PRPS2: variants seen among roughly 807,000 people sequenced by gnomAD.
The protein encoded by PRPS2 is phosphoribosyl pyrophosphate synthetase 2.
For missense variants in PRPS2, 104 were observed against 271.5 expected (o/e 0.38, Z 4.34); for synonymous variants, 111 against 115.3 (o/e 0.96, Z 0.24).
chrX:12,797,281 C>T (rs1357711126), intron 1 of PRPS2, among the ~76,000 whole-genome samples: 2 of 110,079 alleles, frequency 1.8e-5, no homozygotes, highest in African/African-American at 3.3e-5. Context: ...TCACTTGAAC[C>T]TGGGTGGCAG....
At chrX:12,806,957 G>A (rs1470338227) in intron 2 of PRPS2, among the ~76,000 whole-genome samples, 2 of 111,093 alleles carry the variant, frequency 1.8e-5, no homozygotes, top group Admixed American at 9.5e-5. Context: ...TTGTGGTGGC[G>A]CATGCCTGTA....
intron 2 of PRPS2, among the ~76,000 whole-genome samples, chrX:12,808,712 C>G (rs1173613828): frequency 8.9e-6 from 1 of 112,204 alleles, no homozygotes; most frequent in East Asian, 2.8e-4. Context: ...TCTTTAATAG[C>G]TGGACTTCTT....
At chrX:12,809,462 ATATAATTTGATATTAGTACTTCCAGTCTC>A in intron 3 of PRPS2, 130 bp downstream of exon 3, 3 of 639,556 alleles carry the variant, frequency 4.7e-6, no homozygotes, top group Non-Finnish European at 7.1e-6. Context: ...AAACTTGAAA[ATATAATTTGATATTAGTACTTCCAGTCTC>A]TATCACCACC....
chrX:12,814,569 T>C (rs181581784), intron 4 of PRPS2, among the ~76,000 whole-genome samples: 43 of 112,412 alleles, frequency 3.8e-4, no homozygotes, highest in African/African-American at 1.2e-3. Flanking sequence ...TTGGAGCTTG[T>C]TGCTTTAGAA....
At chrX:12,812,321 A>G (rs2042627804) in intron 4 of PRPS2, among the ~76,000 whole-genome samples, 1 of 112,082 alleles carries the variant, frequency 8.9e-6, no homozygotes, top group Admixed American at 9.5e-5. Flanking sequence ...GCTTTGTTAC[A>G]ATGTAATTCA....
chrX:12,805,851 T>A lies in PRPS2; in HGVS notation c.307-3383T>A, dbSNP rs751154332. ...ACTTTGGGAGGCCAAGGCGGGCGGA[T>A]CACCTGAGGTCAGGAGTTCGAGAAG... On this transcript the variant is annotated intron_variant, in intron 2 of 6. Coordinates refer to ENST00000380668, the MANE Select transcript of PRPS2 (RefSeq NM_002765.5). Among the ~76,000 whole-genome samples, 252 of 111,935 alleles carry A rather than the reference T, an allele frequency of 2.3e-3. 1 individual carries two copies. The highest frequency in any genetic ancestry group is 3.9e-3 in the Non-Finnish European group (210 of 53,172).
intron 4 of PRPS2, 104 bp downstream of exon 4, chrX:12,810,250 A>G (rs748487622): frequency 4.7e-6 from 5 of 1,063,171 alleles, no homozygotes. Flanking sequence ...TTAAAGCTTT[A>G]TTTTGCTAAT....
At chrX:12,817,575 C>G (rs766633332) in intron 4 of PRPS2, among the ~76,000 whole-genome samples, 1 of 108,426 alleles carries the variant, frequency 9.2e-6, no homozygotes, top group African/African-American at 3.4e-5. Flanking sequence ...GACTTGAAGA[C>G]AGGGACTCAA....
intron 2 of PRPS2, among the ~76,000 whole-genome samples, chrX:12,808,605 C>T (rs1405822437): frequency 1.8e-5 from 2 of 111,987 alleles, no homozygotes; most frequent in Non-Finnish European, 3.8e-5. Flanking sequence ...TTATCAATCC[C>T]CTTACAGTAT....
intron 4 of PRPS2, among the ~76,000 whole-genome samples, chrX:12,814,320 A>C (rs2042637776): frequency 8.9e-6 from 1 of 111,925 alleles, no homozygotes; most frequent in Middle Eastern, 4.7e-3. Context: ...CTCTGCCAGG[A>C]AAATCAAGCT....
At chrX:12,807,190 G>A (rs928748026) in intron 2 of PRPS2, among the ~76,000 whole-genome samples, 1 of 112,507 alleles carries the variant, frequency 8.9e-6, no homozygotes, top group Non-Finnish European at 1.9e-5. Flanking sequence ...TACGGGCTGC[G>A]TCCTCCAGAG....
At chrX:12,803,445 G>C (rs751111929) in intron 2 of PRPS2, among the ~76,000 whole-genome samples, 2 of 112,189 alleles carry the variant, frequency 1.8e-5, no homozygotes, top group Non-Finnish European at 3.8e-5. Context: ...ACACCACCAC[G>C]CCTGGCTAAT....
At chrX:12,792,822 A>T (rs1406348480) in intron 1 of PRPS2, among the ~76,000 whole-genome samples, 1 of 112,074 alleles carries the variant, frequency 8.9e-6, no homozygotes, top group Non-Finnish European at 1.9e-5. Flanking sequence ...GAAAATCTTG[A>T]CTTGGGGTTA....
chrX:12,813,983 AT>A (rs1160707703), intron 4 of PRPS2, among the ~76,000 whole-genome samples: 1 of 105,224 alleles, frequency 9.5e-6, no homozygotes, highest in East Asian at 3.0e-4. Flanking sequence ...GATTCTGTAT[AT>A]TTTTTTCTTT....
chrX:12,820,942 G>T, intron 6 of PRPS2, 139 bp downstream of exon 6: 1 of 645,421 alleles, frequency 1.5e-6, no homozygotes, highest in East Asian at 3.6e-5. Context: ...ATGACGGCAG[G>T]ATATAAATCA....
Position 12,791,424 on chromosome X carries a change from T to C in PRPS2, c.-74T>C. ...CTTTCCCGCTCCCGCAGCAGCAGCC[T>C]CCCGCGTCGCTGTCGCTGTTGCCTC... On this transcript the variant is annotated 5_prime_UTR_variant, in exon 1 of 7. Coordinates refer to ENST00000380668, the MANE Select transcript of PRPS2 (RefSeq NM_002765.5). 1.8e-6 allele frequency: 2 copies of C among 1,121,142 alleles called. No homozygotes were observed. The highest frequency in any genetic ancestry group is 3.5e-5 in the East Asian group (1 of 28,789). The allele number at this position is 1,121,142 out of a possible 1,213,427, so 92.4% of individuals were successfully genotyped here.
At chrX:12,805,587 T>C (rs909965909) in intron 2 of PRPS2, among the ~76,000 whole-genome samples, 6 of 112,408 alleles carry the variant, frequency 5.3e-5, no homozygotes, top group East Asian at 2.8e-4. Context: ...ATGAACCTCA[T>C]ATAATCTTCA....
At chrX:12,822,677 C>T in intron 6 of PRPS2, 27 bp from the exon 7 acceptor site, 1 of 1,169,389 alleles carries the variant, frequency 8.6e-7, no homozygotes, top group East Asian at 3.0e-5. Context: ...CTTCCCTTCT[C>T]CCTTTGTTTT....
intron 1 of PRPS2, among the ~76,000 whole-genome samples, 174 bp from the exon 2 acceptor site, chrX:12,799,033 C>T (rs779392190): frequency 3.6e-5 from 4 of 111,798 alleles, no homozygotes; most frequent in East Asian, 2.8e-4. Flanking sequence ...ACCTTTTTCC[C>T]TTTGCTGAGT....
Sources: gnomAD v4.1 joint callset for allele counts (sites outside exome capture counted in the v4.1 genomes callset) on GRCh38, gnomAD v4.1.1 for gene constraint, MANE v1.5 for transcripts, NCBI Gene and HGNC (gene_info 2026-07-23, HGNC 2026-07-21) for gene names.